Variants in SUGCT observed in about 807,000 individuals in gnomAD.
The protein encoded by SUGCT is succinyl-CoA:glutarate-CoA transferase, also known as succinyl-CoA:glutarate CoA-transferase.
A neutral mutation model predicts 55.0 loss-of-function variants in SUGCT; 41 were observed. The observed-to-expected ratio is 0.74, with a 90% confidence interval of 0.58 to 0.97. The LOEUF (loss-of-function observed/expected upper bound fraction) is 0.97, where lower values mean the gene tolerates loss of function less well. Among genes scored for constraint, SUGCT ranks in the 50% least tolerant of loss-of-function variants. The pLI is 0.00. For missense variants in SUGCT, 568 were observed against 547.8 expected, an observed-to-expected ratio of 1.04 and a Z score of -0.37; for synonymous variants, 187 against 200.4, an observed-to-expected ratio of 0.93 and a Z score of 0.56.
At chr7:40,646,773 T>C (rs1255111031) in intron 12 of SUGCT, among the ~76,000 whole-genome samples, 2 of 152,220 alleles carry the variant, frequency 1.3e-5, no homozygotes, top group Non-Finnish European at 2.9e-5. Context: ...ATCATTTTTC[T>C]TTTTGGTGTT....
chr7:40,796,238 G>A (rs768972077), intron 13 of SUGCT, among the ~76,000 whole-genome samples: 4 of 152,146 alleles, frequency 2.6e-5, no homozygotes, highest in Non-Finnish European at 5.9e-5. Context: ...TTGGGTTGGG[G>A]ATCTGAGTGT....
intron 11 of SUGCT, among the ~76,000 whole-genome samples, chr7:40,477,507 A>G (rs1421233065): frequency 2.0e-5 from 3 of 152,004 alleles, no homozygotes; most frequent in Non-Finnish European, 2.9e-5. Flanking sequence ...AATTTATTCT[A>G]CCTTTGGAAT....
At chr7:40,748,998 A>G (rs1787874649) in intron 12 of SUGCT, among the ~76,000 whole-genome samples, 1 of 152,178 alleles carries the variant, frequency 6.6e-6, no homozygotes, top group South Asian at 2.1e-4. Context: ...CCTTCTGCTG[A>G]ACAGATTTCC....
At chr7:40,733,730 A>G (rs1403357443) in intron 12 of SUGCT, among the ~76,000 whole-genome samples, 1 of 152,178 alleles carries the variant, frequency 6.6e-6, no homozygotes, top group Non-Finnish European at 1.5e-5. Flanking sequence ...GGTTGACATA[A>G]AGCAAACAAA....
the SUGCT span, among the ~76,000 whole-genome samples, chr7:40,876,931 C>T: frequency 6.6e-6 from 1 of 152,142 alleles, no homozygotes; most frequent in Non-Finnish European, 1.5e-5. Context: ...ATCTAATTTC[C>T]CCGAGATCTT....
intron 12 of SUGCT, among the ~76,000 whole-genome samples, chr7:40,583,067 C>T (rs1037494458): frequency 2.0e-5 from 3 of 152,098 alleles, no homozygotes; most frequent in African/African-American, 7.2e-5. Context: ...CAATAATTTG[C>T]CTTGCAACAC....
chr7:40,247,639 A>G (rs1180183554), intron 7 of SUGCT, among the ~76,000 whole-genome samples: 1 of 152,180 alleles, frequency 6.6e-6, no homozygotes, highest in African/African-American at 2.4e-5. Flanking sequence ...TGATGAGTTA[A>G]GATGTGTTTT....
intron 9 of SUGCT, among the ~76,000 whole-genome samples, chr7:40,444,118 T>C (rs1788675846): frequency 1.3e-5 from 2 of 152,196 alleles, no homozygotes; most frequent in South Asian, 4.1e-4. Context: ...CTGTTTTGGT[T>C]ACTGTAGCCT....
chr7:41,014,345 C>T, the SUGCT span, among the ~76,000 whole-genome samples: 136,790 of 152,276 alleles, frequency 0.9, 61,636 homozygotes, highest in African/African-American at 0.97. Flanking sequence ...TCATAAAAGT[C>T]TGATCATGAC....
chr7:40,329,506 C>T (rs1209281192), intron 9 of SUGCT, among the ~76,000 whole-genome samples: 1 of 152,104 alleles, frequency 6.6e-6, no homozygotes, highest in Non-Finnish European at 1.5e-5. Context: ...GCCTATTTTT[C>T]ACCTGGAAAG....
chr7:40,673,933 C>A (rs181372327), intron 12 of SUGCT, among the ~76,000 whole-genome samples: 1 of 152,100 alleles, frequency 6.6e-6, no homozygotes, highest in Non-Finnish European at 1.5e-5. Context: ...ACCTTTTCTA[C>A]GACCCAAACT....
intron 12 of SUGCT, among the ~76,000 whole-genome samples, chr7:40,520,073 T>C (rs1793446038): frequency 6.6e-6 from 1 of 151,992 alleles, no homozygotes; most frequent in Admixed American, 6.6e-5. Context: ...ACTATGGAAA[T>C]AGACAATGGG....
intron 13 of SUGCT, among the ~76,000 whole-genome samples, chr7:40,795,534 G>A (rs951875110): frequency 6.6e-6 from 1 of 152,046 alleles, no homozygotes; most frequent in African/African-American, 2.4e-5. Flanking sequence ...AAAATCTTAA[G>A]TAGAAAAGCA....
At chr7:40,414,317 G>A (rs538206886) in intron 9 of SUGCT, among the ~76,000 whole-genome samples, 5 of 152,278 alleles carry the variant, frequency 3.3e-5, no homozygotes, top group Non-Finnish European at 7.4e-5. Context: ...CACCCAGGAT[G>A]TGAATTATTC....
At chr7:40,247,963 A>T (rs527783717) in intron 7 of SUGCT, among the ~76,000 whole-genome samples, 7 of 149,862 alleles carry the variant, frequency 4.7e-5, no homozygotes, top group African/African-American at 1.7e-4. Flanking sequence ...AGTTTTGAAG[A>T]TATTCTTCTA....
chr7:40,883,704 G>C, the SUGCT span, among the ~76,000 whole-genome samples: 1 of 152,172 alleles, frequency 6.6e-6, no homozygotes, highest in South Asian at 2.1e-4. Flanking sequence ...GACTTTCCAG[G>C]ATGTACTTTA....
the SUGCT span, among the ~76,000 whole-genome samples, chr7:40,877,777 A>G: frequency 6.6e-6 from 1 of 152,232 alleles, no homozygotes; most frequent in African/African-American, 2.4e-5. Context: ...ATGCTGCTGA[A>G]TCTTCTTTGG....
chr7:40,561,222 T>C (rs770785001), intron 12 of SUGCT, among the ~76,000 whole-genome samples: 3 of 152,246 alleles, frequency 2.0e-5, no homozygotes, highest in African/African-American at 4.8e-5. Flanking sequence ...CTATGTGTAG[T>C]AGATAGACTT....
intron 8 of SUGCT, among the ~76,000 whole-genome samples, chr7:40,297,605 G>T (rs372351594): frequency 6.6e-6 from 1 of 152,130 alleles, no homozygotes; most frequent in Non-Finnish European, 1.5e-5. Context: ...GGTAACTGAC[G>T]TCCAGACCTT....
Sources: allele counts gnomAD v4.1 joint callset (sites outside exome capture counted in the v4.1 genomes callset), GRCh38; gene constraint gnomAD v4.1.1; transcripts MANE v1.5; gene names NCBI Gene and HGNC (gene_info 2026-07-23, HGNC 2026-07-21).